Variants in RNF183 observed in about 807,000 individuals in gnomAD.
RNF183 encodes the protein ring finger protein 183.
In RNF183, 4 loss-of-function variants were observed where a neutral mutation model predicts 9.0. The observed-to-expected ratio is 0.44, with a 90% CI of 0.22 to 1.01. The LOEUF (loss-of-function observed/expected upper bound fraction) is 1.01. Ranked by LOEUF, RNF183 falls within the 50% of genes least tolerant of loss-of-function variation. RNF183 has a pLI of 0.25. For synonymous variants in RNF183, 102 were observed against 107.5 expected (o/e 0.95, Z 0.32); for missense variants, 227 against 253.6 (o/e 0.89, Z 0.71).
chr9:113,297,701 T>C lies in RNF183; in HGVS notation c.484A>G (p.Ile162Val). The C allele has an allele frequency of 1.2e-6, 2 of 1,614,004 alleles. No homozygotes were observed. Among genetic ancestry groups the C allele is most frequent in the East Asian group, 2.2e-5 (1 of 44,854 alleles). Residue 162 changes from isoleucine (I) to valine (V), a missense_variant, in exon 5 of 5, where the codon ATC (isoleucine) becomes GTC (valine). Ile to Val is a conservative substitution (Grantham distance 29, BLOSUM62 3). Coordinates refer to ENST00000489339, the MANE Select transcript of RNF183 (RefSeq NM_001371237.1). The stretch of plus-strand genomic sequence containing the variant: ...ATGACGGCCATCAGGTAGGCAAAGA[T>C]GCGGAACTGAGGGTTGCGGAAACAC... ...RECFRNPQFR[I>V]FAYLMAVILS...
chr9:113,300,996 A>G lies in RNF183; in HGVS notation c.-242+676T>C, dbSNP rs989362667. ...TGGGATAAGTGATATCTTTGGGGAC[A>G]GAATCAAAGCCACTTCCCAAGAAGC... On this transcript the variant is annotated intron_variant, in intron 3 of 4. Coordinates refer to ENST00000489339, the MANE Select transcript of RNF183 (RefSeq NM_001371237.1). 5.1e-4 allele frequency among the ~76,000 whole-genome samples: 78 copies of G among 152,156 alleles called. 1 individual carries two copies. The highest frequency in any genetic ancestry group is 1.1e-3 in the Admixed American group (17 of 15,278).
chr9:113,297,443 G>GTT lies in RNF183; in HGVS notation c.*161_*162dup. On this transcript the variant is annotated 3_prime_UTR_variant, in exon 5 of 5. Coordinates refer to ENST00000489339, the MANE Select transcript of RNF183 (RefSeq NM_001371237.1). ...AGTCCTTCAAGCTTTTCGTTTTTTT[G>GTT]TTTTTTTTTAAAATTGTTCCCAGAA... 8.0e-6 allele frequency: 4 copies of GTT among 500,412 alleles called. No individual in the cohort carries two copies. Among genetic ancestry groups the GTT allele is most frequent in the East Asian group, 3.6e-5 (1 of 27,656 alleles). The allele number at this position is 500,412 out of a possible 1,614,324, so 31.0% of individuals were successfully genotyped here.
Position 113,297,389 on chromosome 9 carries a change from TCA to T in RNF183, c.*215_*216del. Reference sequence around the variant, plus strand: ...TCTCTGCCCTTCCATGACGCCACACTCACACCCGGAGGTCGCTCCACATCTCC... The same window carrying T: ...TCTCTGCCCTTCCATGACGCCACACTCACCCGGAGGTCGCTCCACATCTCC... On this transcript the variant is annotated 3_prime_UTR_variant, in exon 5 of 5. Transcript: ENST00000489339. The T allele has an allele frequency of 2.5e-6, 1 of 395,164 alleles. No homozygotes were observed. Among genetic ancestry groups the T allele is most frequent in the Non-Finnish European group, 4.6e-6 (1 of 217,022 alleles). The allele number at this position is 395,164 out of a possible 1,614,324, so 24.5% of individuals were successfully genotyped here.
Position 113,297,741 on chromosome 9 carries a change from G to A in RNF183, c.444C>T (p.His148=). Reference sequence around the variant, plus strand: ...TGCGGAAACACTCCCTCAAAGAGTGGTGGCTGGGGATGAGGATGGGCGTAG... The same window carrying A: ...TGCGGAAACACTCCCTCAAAGAGTGATGGCTGGGGATGAGGATGGGCGTAG... ...TVSTPILIPS[H]HSLRECFRNP... Residue 148 remains histidine (H), a synonymous_variant, in exon 5 of 5, where the codon CAC becomes CAT. Coordinates refer to ENST00000489339, the MANE Select transcript of RNF183 (RefSeq NM_001371237.1). The A allele has an allele frequency of 1.2e-6, 2 of 1,614,148 alleles. No individual in the cohort carries two copies. The highest frequency in any genetic ancestry group is 2.2e-5 in the South Asian group (2 of 91,080).
chr9:113,302,165 A>T (rs1265571796), intron 2 of RNF183, 30 bp downstream of exon 2: 1 of 151,236 alleles, frequency 6.6e-6, no homozygotes, highest in Non-Finnish European at 1.5e-5. Flanking sequence ...ACACGTCAAG[A>T]TCTCCTGTTT....
Position 113,297,477 on chromosome 9 carries a change from A to C in RNF183, c.*129T>G. ...TAAAATTGTTCCCAGAAGCAAACACATGGCCTGAACAATCCCTGGATTGTA... is the reference window on the plus strand; with the variant it reads ...TAAAATTGTTCCCAGAAGCAAACACCTGGCCTGAACAATCCCTGGATTGTA... On this transcript the variant is annotated 3_prime_UTR_variant, in exon 5 of 5. Coordinates refer to ENST00000489339, the MANE Select transcript of RNF183 (RefSeq NM_001371237.1). 1.7e-6 allele frequency: 1 copy of C among 599,392 alleles called. No individual in the cohort carries two copies. 37.1% of individuals were successfully genotyped at this position (599,392 alleles called of 1,614,324 possible).
In RNF183 at chr9:113,298,060, G is replaced by T; in HGVS notation, c.125C>A (p.Ala42Asp). ...GGCTGGAGTCACAAGGCTGAGGTGG[G>T]CCAGACATTCCACGCAGAAGGAGTG... is the stretch of plus-strand genomic sequence containing the variant. ...CCHSFCVECL[A>D]HLSLVTPARR... is the part of the protein sequence containing the mutation. The change falls in exon 5 of 5, where the codon GCC (alanine) becomes GAC (aspartate). Residue 42 changes from alanine (A) to aspartate (D), a missense_variant. By Grantham distance (126) the Ala-to-Asp change is moderately radical (BLOSUM62 -2). Coordinates refer to ENST00000489339, the MANE Select transcript of RNF183 (RefSeq NM_001371237.1). This position sits in a 1 kb window ranked among gnomAD's most constrained non-coding sequence, Gnocchi z 4.9. 6.2e-7 allele frequency: 1 copy of T among 1,614,072 alleles called. No individual in the cohort carries two copies. Among genetic ancestry groups the T allele is most frequent in the Non-Finnish European group, 8.5e-7 (1 of 1,180,022 alleles).
At position 113,297,825 on chromosome 9, in the gene RNF183, A is replaced by G; in HGVS notation, c.360T>C (p.Leu120=). 4 of 1,610,466 alleles carry G rather than the reference A, an allele frequency of 2.5e-6. No individual in the cohort carries two copies. Among genetic ancestry groups the G allele is most frequent in the Non-Finnish European group, 3.4e-6 (4 of 1,178,040 alleles). Residue 120 remains leucine (L), a synonymous_variant, in exon 5 of 5, where the codon CTT becomes CTC. Coordinates refer to ENST00000489339, the MANE Select transcript of RNF183 (RefSeq NM_001371237.1). ...LRQPQVYTLD[L]GPQPGGQTGP... ...CAGTCTGGCCCCCAGGCTGGGGGCC[A>G]AGGTCCAGCGTGTAGACTTGAGGCT... is the stretch of plus-strand genomic sequence containing the variant.
At chr9:113,302,885 G>A (rs1832960153) in intron 1 of RNF183, among the ~76,000 whole-genome samples, 171 bp downstream of exon 1, 1 of 152,202 alleles carries the variant, frequency 6.6e-6, no homozygotes, top group African/African-American at 2.4e-5. Flanking sequence ...TCAGAAGGGT[G>A]AGGCAACTTG....
intron 2 of RNF183, 93 bp from the exon 3 acceptor site, chr9:113,301,844 AT>A (rs769275991): frequency 6.6e-6 from 1 of 152,242 alleles, no homozygotes; most frequent in Non-Finnish European, 1.5e-5. Context: ...TAGGACATTG[AT>A]TAAGTAGATT....
At position 113,298,659 on chromosome 9, in the gene RNF183, C is replaced by G. The variant is rs1192231047; in HGVS notation, c.-37-438G>C. The stretch of plus-strand genomic sequence containing the variant: ...CGCAGAGATGGGTTTTGTGAATTCC[C>G]TGGTCTGTCCCTCCTATGGGGACAA... On this transcript the variant is annotated intron_variant, in intron 4 of 4. Coordinates refer to ENST00000489339, the MANE Select transcript of RNF183 (RefSeq NM_001371237.1). The surrounding 1 kb of genome is among the most constrained non-coding windows in gnomAD (Gnocchi z 4.9). 1 of 161,236 alleles carries G rather than the reference C, an allele frequency of 6.2e-6. No individual in the cohort carries two copies. The highest frequency in any genetic ancestry group is 2.4e-5 in the African/African-American group (1 of 41,540). The allele number at this position is 161,236 out of a possible 1,614,324, so 10.0% of individuals were successfully genotyped here. A position where few individuals can be genotyped will look rare whatever the true frequency, so the allele number is the denominator to read the frequency against.
chr9:113,298,457 G>C lies in RNF183; in HGVS notation c.-37-236C>G, dbSNP rs941429716. On this transcript the variant is annotated intron_variant, in intron 4 of 4. Coordinates refer to ENST00000489339, the MANE Select transcript of RNF183 (RefSeq NM_001371237.1). The surrounding 1 kb of genome is among the most constrained non-coding windows in gnomAD (Gnocchi z 4.9). ...CCACCCCTACCAAGAGCCCCCAAGA[G>C]AGCCGGCATTGGAGCAGATGTCGCC... The C allele has an allele frequency of 3.0e-5, 15 of 494,620 alleles. No individual in the cohort carries two copies. Among genetic ancestry groups the C allele is most frequent in the African/African-American group, 2.5e-4 (13 of 51,182 alleles). 30.6% of individuals were successfully genotyped at this position (494,620 alleles called of 1,614,324 possible). A position where few individuals can be genotyped will look rare whatever the true frequency, so the allele number is the denominator to read the frequency against.
rs201913948 is a variant in RNF183, at chr9:113,298,210, G to A, written c.-26C>T. On this transcript the variant is annotated 5_prime_UTR_variant, in exon 5 of 5. Transcript: ENST00000489339. The surrounding 1 kb of genome is among the most constrained non-coding windows in gnomAD (Gnocchi z 4.9). ...CCTCAGCCACACACGGGGAGGCTTCGCGGGAGACGTCCTGGCAGAAGGGGG... is the reference window on the plus strand; with the variant it reads ...CCTCAGCCACACACGGGGAGGCTTCACGGGAGACGTCCTGGCAGAAGGGGG... The A allele has an allele frequency of 4.5e-5, 71 of 1,570,986 alleles. 1 individual carries two copies. The Middle Eastern group carries it at 6.8e-4, about 15-fold the overall frequency.
intron 1 of RNF183, among the ~76,000 whole-genome samples, chr9:113,302,619 A>AC (rs1326664641): frequency 1.3e-5 from 2 of 152,048 alleles, no homozygotes; most frequent in African/African-American, 4.8e-5. Flanking sequence ...CTCTAAAACC[A>AC]CCCTGTGAGA....
In RNF183 at chr9:113,297,825, A is replaced by C. The variant is rs1564271431; in HGVS notation, c.360T>G (p.Leu120=). Residue 120 remains leucine (L), a synonymous_variant, in exon 5 of 5, where the codon CTT becomes CTG. Transcript: ENST00000489339. ...CAGTCTGGCCCCCAGGCTGGGGGCC[A>C]AGGTCCAGCGTGTAGACTTGAGGCT... ...LRQPQVYTLD[L]GPQPGGQTGP... 1 of 1,610,466 alleles carries C rather than the reference A, an allele frequency of 6.2e-7. No homozygotes were observed. Among genetic ancestry groups the C allele is most frequent in the Middle Eastern group, 1.7e-4 (1 of 6,048 alleles).
rs1165775643 is a variant in RNF183 at position 113,301,691 on chromosome 9, G to A, written c.-261C>T. On this transcript the variant is annotated 5_prime_UTR_variant, in exon 3 of 5. Coordinates refer to ENST00000489339, the MANE Select transcript of RNF183 (RefSeq NM_001371237.1). ...ACTTACCAGAGGCCGTAAACTGTAT[G>A]TAACCTTGACTCATCATTTCCCCCA... is the stretch of plus-strand genomic sequence containing the variant. 1 of 152,214 alleles carries A rather than the reference G, an allele frequency of 6.6e-6. No homozygotes were observed. The highest frequency in any genetic ancestry group is 6.5e-5 in the Admixed American group (1 of 15,286). 9.4% of individuals were successfully genotyped at this position (152,214 alleles called of 1,614,324 possible). A position where few individuals can be genotyped will look rare whatever the true frequency, so the allele number is the denominator to read the frequency against.
chr9:113,297,734 A>G lies in RNF183; in HGVS notation c.451T>C (p.Leu151=), dbSNP rs763608021. The change falls in exon 5 of 5, where the codon TTG becomes CTG. Residue 151 remains leucine (L), a synonymous_variant. Transcript: ENST00000489339. The part of the protein sequence containing the change: ...TPILIPSHHS[L]RECFRNPQFR... The stretch of plus-strand genomic sequence containing the variant: ...TGAGGGTTGCGGAAACACTCCCTCA[A>G]AGAGTGGTGGCTGGGGATGAGGATG... The G allele has an allele frequency of 1.1e-5, 18 of 1,613,966 alleles. No homozygotes were observed. Among genetic ancestry groups the G allele is most frequent in the Non-Finnish European group, 1.5e-5 (18 of 1,179,972 alleles).
At chr9:113,301,578 G>A (rs1040590753) in intron 3 of RNF183, 94 bp downstream of exon 3, 1 of 152,194 alleles carries the variant, frequency 6.6e-6, no homozygotes, top group South Asian at 2.1e-4. Context: ...GAAGGGTCAA[G>A]GTTGATTTCA....
At chr9:113,299,501 C>A (rs2098869683) in intron 4 of RNF183, 71 bp downstream of exon 4, 1 of 152,250 alleles carries the variant, frequency 6.6e-6, no homozygotes, top group Non-Finnish European at 1.5e-5. Context: ...AGAGCTCCGA[C>A]TATCAGATTC....
Sources: allele counts gnomAD v4.1 joint callset (sites outside exome capture counted in the v4.1 genomes callset), GRCh38; gene constraint gnomAD v4.1.1; non-coding constraint Gnocchi (gnomAD v3.1); transcripts MANE v1.5; gene names NCBI Gene and HGNC (gene_info 2026-07-23, HGNC 2026-07-21).